THSD7A: variants seen among roughly 807,000 people sequenced by gnomAD.
THSD7A encodes thrombospondin type 1 domain containing 7A.
THSD7A carries 96 observed loss-of-function variants against 231.3 expected under a neutral mutation model. The observed-to-expected ratio is 0.41, with a 90% CI of 0.35 to 0.49. The LOEUF (loss-of-function observed/expected upper bound fraction) is 0.49, where lower values mean the gene tolerates loss of function less well. Ranked by LOEUF, THSD7A falls within the 20% of genes least tolerant of loss-of-function variation. The pLI is 0.05. For missense variants in THSD7A, 2,290 were observed against 2,070.2 expected (o/e 1.11, Z -2.06); for synonymous variants, 940 against 743.3 (o/e 1.26, Z -4.30).
chr7:11,724,510 T>A (rs1221288781), intron 1 of THSD7A, among the ~76,000 whole-genome samples: 2 of 151,786 alleles, frequency 1.3e-5, no homozygotes, highest in African/African-American at 4.8e-5. Flanking sequence ...AAAAATTTAA[T>A]GAAAAGAAAA....
chr7:11,516,432 A>C (rs1405692136), intron 6 of THSD7A, among the ~76,000 whole-genome samples: 2 of 152,196 alleles, frequency 1.3e-5, no homozygotes, highest in Middle Eastern at 3.2e-3. Context: ...TAGCTCTGCC[A>C]GAAGAAAAAT....
chr7:11,656,271 C>T (rs1053097024), intron 1 of THSD7A, among the ~76,000 whole-genome samples: 2 of 151,898 alleles, frequency 1.3e-5, no homozygotes, highest in Non-Finnish European at 2.9e-5. Flanking sequence ...TCAGCACTCT[C>T]TTGGAAACAA....
intron 1 of THSD7A, among the ~76,000 whole-genome samples, chr7:11,689,167 C>T (rs1403697701): frequency 1.3e-5 from 2 of 151,740 alleles, no homozygotes; most frequent in Admixed American, 6.6e-5. Context: ...GTCTGAGCCA[C>T]GGAATTCTTT....
chr7:11,659,020 A>T (rs189033438), intron 1 of THSD7A, among the ~76,000 whole-genome samples: 1 of 151,852 alleles, frequency 6.6e-6, no homozygotes, highest in Non-Finnish European at 1.5e-5. Flanking sequence ...AAAGAAAAAT[A>T]CATGACACAT....
chr7:11,762,148 T>C (rs1182906873), intron 1 of THSD7A, among the ~76,000 whole-genome samples: 1 of 152,138 alleles, frequency 6.6e-6, no homozygotes, highest in East Asian at 1.9e-4. Context: ...TCCAAGCTAC[T>C]GTTCATAGAC....
intron 1 of THSD7A, among the ~76,000 whole-genome samples, chr7:11,673,283 C>G (rs1186841828): frequency 1.3e-5 from 2 of 152,084 alleles, no homozygotes; most frequent in African/African-American, 4.8e-5. Context: ...GTTCCCATCA[C>G]CCTATGGACA....
At chr7:11,472,703 G>A (rs1481194478) in intron 8 of THSD7A, among the ~76,000 whole-genome samples, 4 of 152,096 alleles carry the variant, frequency 2.6e-5, no homozygotes, top group Non-Finnish European at 5.9e-5. Flanking sequence ...ACATATAGGC[G>A]TGTACATATG....
intron 2 of THSD7A, among the ~76,000 whole-genome samples, chr7:11,621,041 T>G (rs1781290492): frequency 6.6e-6 from 1 of 152,194 alleles, no homozygotes; most frequent in Non-Finnish European, 1.5e-5. Context: ...ACCAGTGCAC[T>G]TTTACCAAGA....
chr7:11,801,183 C>T (rs137921904), intron 1 of THSD7A, among the ~76,000 whole-genome samples: 39 of 151,908 alleles, frequency 2.6e-4, no homozygotes, highest in African/African-American at 9.2e-4. Flanking sequence ...TAAATGTGTG[C>T]CATTTGCATA....
chr7:11,482,441 T>C (rs756945319), intron 6 of THSD7A, among the ~76,000 whole-genome samples: 2 of 152,194 alleles, frequency 1.3e-5, no homozygotes, highest in African/African-American at 2.4e-5. Flanking sequence ...ACAAACTCTC[T>C]TGTGTCTCTC....
At chr7:11,545,792 T>C (rs548984302) in intron 4 of THSD7A, among the ~76,000 whole-genome samples, 1 of 152,290 alleles carries the variant, frequency 6.6e-6, no homozygotes, top group East Asian at 1.9e-4. Context: ...ATGTGCAGAA[T>C]CCAGAGCGTT....
At chr7:11,503,327 C>A (rs996677527) in intron 6 of THSD7A, among the ~76,000 whole-genome samples, 3 of 152,134 alleles carry the variant, frequency 2.0e-5, no homozygotes, top group Non-Finnish European at 4.4e-5. Context: ...TGGATAAAGA[C>A]TTAAATGTAA....
chr7:11,387,522 T>C (rs962631689), intron 23 of THSD7A, among the ~76,000 whole-genome samples: 2 of 152,158 alleles, frequency 1.3e-5, no homozygotes, highest in Non-Finnish European at 1.5e-5. Flanking sequence ...CTGTTATTGG[T>C]TTATAGGAAT....
chr7:11,593,496 G>T lies in THSD7A; in HGVS notation c.1029C>A (p.Cys343Ter). 1 of 1,613,688 alleles carries T rather than the reference G, an allele frequency of 6.2e-7. No individual in the cohort carries two copies. ...AGGTCATTGGAAGCTTCTCTTGCTG[G>T]CAAAAGCTGTAAAAGAGCATTGATA... ...KTGKAADLSF[C>*]QQEKLPMTFQ... Residue 343 changes from cysteine (C) to a stop codon, truncating the protein, a stop_gained, in exon 3 of 28, where the codon TGC becomes TGA. Transcript: ENST00000423059. LOFTEE classifies it high-confidence loss of function.
chr7:11,746,343 A>G (rs1323210067), intron 1 of THSD7A, among the ~76,000 whole-genome samples: 1 of 151,882 alleles, frequency 6.6e-6, no homozygotes, highest in Admixed American at 6.6e-5. Flanking sequence ...TATTACTATT[A>G]ACTGAATTCC....
chr7:11,665,154 T>A (rs58600926), intron 1 of THSD7A, among the ~76,000 whole-genome samples: 22,101 of 152,016 alleles, frequency 0.15, 1,709 homozygotes, highest in African/African-American at 0.21. Flanking sequence ...TTCTTTCTAC[T>A]TAAATAAGAT....
At chr7:11,762,181 T>C (rs1257604328) in intron 1 of THSD7A, among the ~76,000 whole-genome samples, 4 of 152,120 alleles carry the variant, frequency 2.6e-5, no homozygotes, top group Non-Finnish European at 4.4e-5. Context: ...TAACTTAGGA[T>C]TGTAAATAGT....
chr7:11,461,739 G>A (rs1417032066), intron 10 of THSD7A, among the ~76,000 whole-genome samples: 1 of 152,134 alleles, frequency 6.6e-6, no homozygotes, highest in African/African-American at 2.4e-5. Flanking sequence ...AGCATTTCTT[G>A]TATGTTATAT....
chr7:11,475,766 T>C (rs1786144331), intron 7 of THSD7A, among the ~76,000 whole-genome samples: 1 of 150,996 alleles, frequency 6.6e-6, no homozygotes, highest in African/African-American at 2.4e-5. Context: ...TCTCAATGTT[T>C]TGCATTGTAA....
Sources: allele counts gnomAD v4.1 joint callset (sites outside exome capture counted in the v4.1 genomes callset), GRCh38; gene constraint gnomAD v4.1.1; transcripts MANE v1.5; gene names NCBI Gene and HGNC (gene_info 2026-07-23, HGNC 2026-07-21).